The following LRRC69 variants were observed in gnomAD, a reference collection of about 807,000 sequenced individuals.
The protein encoded by LRRC69 is leucine rich repeat containing 69.
Under a neutral mutation model 37.8 loss-of-function variants are expected in LRRC69, and 42 were observed. The ratio of observed to expected loss-of-function variants is 1.11; its 90% CI spans 0.87 to 1.44. The LOEUF (loss-of-function observed/expected upper bound fraction) is 1.44. LRRC69 is among the 40% of genes most tolerant of loss of function. The pLI is 0.00. For missense variants in LRRC69, 357 were observed against 401.9 expected, an observed-to-expected ratio of 0.89 and a Z score of 0.96; for synonymous variants, 141 against 143.1, an observed-to-expected ratio of 0.99 and a Z score of 0.11.
At chr8:91,188,058 G>A (rs1209818059) in intron 5 of LRRC69, among the ~76,000 whole-genome samples, 1 of 152,148 alleles carries the variant, frequency 6.6e-6, no homozygotes, top group Non-Finnish European at 1.5e-5. Flanking sequence ...TCAGCACACT[G>A]AGTACTGACT....
At chr8:91,158,260 C>T in intron 5 of LRRC69, 1 of 1,555,792 alleles carries the variant, frequency 6.4e-7, no homozygotes, top group Non-Finnish European at 8.9e-7. Context: ...TAATTGGCCC[C>T]CTGATTGTTT....
chr8:91,147,243 A>ATATT (rs1808636270), intron 5 of LRRC69, among the ~76,000 whole-genome samples: 1 of 134,696 alleles, frequency 7.4e-6, no homozygotes, highest in South Asian at 2.4e-4. Context: ...ATTATATATA[A>ATATT]ACATATAATA....
At chr8:91,135,612 C>T (rs1451054514) in intron 4 of LRRC69, 56 bp from the exon 5 acceptor site, 17 of 1,153,334 alleles carry the variant, frequency 1.5e-5, no homozygotes, top group Non-Finnish European at 1.9e-5. Context: ...TATGATTTTC[C>T]TTATGATTTT....
chr8:91,181,828 G>A (rs1283428790), intron 5 of LRRC69, among the ~76,000 whole-genome samples: 2 of 152,068 alleles, frequency 1.3e-5, no homozygotes, highest in African/African-American at 4.8e-5. Context: ...TCCAAAATAA[G>A]TAAAGTTCAA....
At chr8:91,197,195 C>T (rs1237849991) in intron 6 of LRRC69, among the ~76,000 whole-genome samples, 3 of 152,204 alleles carry the variant, frequency 2.0e-5, no homozygotes. Context: ...GGCAGTCCGC[C>T]CATTCTCAGA....
chr8:91,197,682 A>G (rs959467411), intron 6 of LRRC69, among the ~76,000 whole-genome samples: 2 of 152,062 alleles, frequency 1.3e-5, no homozygotes, highest in African/African-American at 2.4e-5. Context: ...GAGTGAGGCA[A>G]TGCCTCACCC....
At chr8:91,180,665 T>C (rs1809308989) in intron 5 of LRRC69, among the ~76,000 whole-genome samples, 1 of 152,096 alleles carries the variant, frequency 6.6e-6, no homozygotes, top group Non-Finnish European at 1.5e-5. Flanking sequence ...CTTTTTGAGC[T>C]CTGTAGGCTG....
intron 1 of LRRC69, among the ~76,000 whole-genome samples, chr8:91,112,825 T>G (rs1227183539): frequency 6.6e-6 from 1 of 151,946 alleles, no homozygotes; most frequent in East Asian, 1.9e-4. Context: ...CATAGAAAAG[T>G]CTAAAGACTC....
chr8:91,126,941 T>A, intron 2 of LRRC69, 147 bp from the exon 3 acceptor site: 1 of 630,984 alleles, frequency 1.6e-6, no homozygotes, highest in South Asian at 1.8e-5. Flanking sequence ...TTGCTTGAGC[T>A]AGTTTAAGAG....
chr8:91,123,572 G>A (rs1329679265), intron 1 of LRRC69, among the ~76,000 whole-genome samples: 1 of 151,816 alleles, frequency 6.6e-6, no homozygotes, highest in African/African-American at 2.4e-5. Context: ...AATGGCTTCA[G>A]TTTTCTTCTT....
At chr8:91,106,002 AG>A (rs889508544) in intron 1 of LRRC69, among the ~76,000 whole-genome samples, 15 of 152,138 alleles carry the variant, frequency 9.9e-5, no homozygotes, top group Admixed American at 2.0e-4. Context: ...ATTAGTGTTA[AG>A]GGGAAAAATA....
At chr8:91,181,035 C>T (rs1809315561) in intron 5 of LRRC69, among the ~76,000 whole-genome samples, 2 of 152,140 alleles carry the variant, frequency 1.3e-5, no homozygotes, top group Non-Finnish European at 1.5e-5. Context: ...CCCATTGGAA[C>T]TGTCCAAAGG....
At chr8:91,163,335 T>G (rs1035805379) in intron 5 of LRRC69, among the ~76,000 whole-genome samples, 3 of 151,574 alleles carry the variant, frequency 2.0e-5, no homozygotes, top group African/African-American at 7.2e-5. Flanking sequence ...CTTTGCCTGT[T>G]TATTCATTGC....
chr8:91,176,134 A>ATATATATATATTTTTT, intron 5 of LRRC69, among the ~76,000 whole-genome samples: 59 of 75,692 alleles, frequency 7.8e-4, no homozygotes, highest in African/African-American at 1.7e-3. Context: ...ATATATATAT[A>ATATATATATATTTTTT]TTTTTTTTTT....
intron 4 of LRRC69, among the ~76,000 whole-genome samples, chr8:91,135,358 A>G (rs1355404941): frequency 6.6e-6 from 1 of 152,092 alleles, no homozygotes; most frequent in Non-Finnish European, 1.5e-5. Flanking sequence ...AAATTGAAGT[A>G]CAAAGCAATT....
At chr8:91,165,397 C>T (rs1231400493) in intron 5 of LRRC69, among the ~76,000 whole-genome samples, 1 of 151,804 alleles carries the variant, frequency 6.6e-6, no homozygotes, top group Non-Finnish European at 1.5e-5. Context: ...AAGGGTGACA[C>T]ACTAGGTGAC....
At chr8:91,212,277 T>A (rs915461104) in intron 7 of LRRC69, among the ~76,000 whole-genome samples, 1 of 152,152 alleles carries the variant, frequency 6.6e-6, no homozygotes, top group Admixed American at 6.5e-5. Flanking sequence ...ACTTGAGTGA[T>A]CCTGTGCCCA....
At chr8:91,215,408 T>A (rs1182343733) in intron 7 of LRRC69, among the ~76,000 whole-genome samples, 2 of 152,170 alleles carry the variant, frequency 1.3e-5, no homozygotes, top group Non-Finnish European at 2.9e-5. Context: ...CAGTGATGGT[T>A]ACCAATTATG....
intron 6 of LRRC69, among the ~76,000 whole-genome samples, chr8:91,197,055 C>T (rs998358416): frequency 2.0e-5 from 3 of 151,910 alleles, no homozygotes; most frequent in South Asian, 4.2e-4. Context: ...AGTTTTCCTT[C>T]TAACAGACAG....
Sources: gnomAD v4.1 joint callset for allele counts (sites outside exome capture counted in the v4.1 genomes callset) on GRCh38, gnomAD v4.1.1 for gene constraint, MANE v1.5 for transcripts, NCBI Gene and HGNC (gene_info 2026-07-23, HGNC 2026-07-21) for gene names.